The following FBXL17 variants were observed in gnomAD, a reference collection of about 807,000 sequenced individuals.
The protein encoded by FBXL17 is F-box and leucine rich repeat protein 17, also known as F-box/LRR-repeat protein 17.
Under a neutral mutation model 66.2 loss-of-function variants are expected in FBXL17, and 22 were observed. The observed-to-expected ratio is 0.33, with a 90% confidence interval of 0.24 to 0.47. The LOEUF is 0.47. FBXL17 is among the 20% of genes least tolerant of loss of function. The pLI, the probability that FBXL17 is intolerant of heterozygous loss-of-function variation, is 1.00. For missense variants in FBXL17, 878 were observed against 948.2 expected (o/e 0.93, Z 0.97); for synonymous variants, 474 against 400.5 (o/e 1.18, Z -2.19).
intron 7 of FBXL17, among the ~76,000 whole-genome samples, chr5:107,936,940 G>A (rs1361542688): frequency 6.6e-6 from 1 of 151,676 alleles, no homozygotes; most frequent in Non-Finnish European, 1.5e-5. Context: ...TCTAGCAGGA[G>A]TTTCACTAGT....
At chr5:108,371,103 C>A (rs918735314) in intron 1 of FBXL17, among the ~76,000 whole-genome samples, 2 of 152,156 alleles carry the variant, frequency 1.3e-5, no homozygotes, top group African/African-American at 4.8e-5. Context: ...TGGGCCTCTG[C>A]AAGACAGAGA....
intron 7 of FBXL17, among the ~76,000 whole-genome samples, chr5:107,939,082 G>A (rs1033616235): frequency 6.6e-6 from 1 of 152,100 alleles, no homozygotes; most frequent in Non-Finnish European, 1.5e-5. Flanking sequence ...TCTGGAAGGG[G>A]ATGATTTGCT....
At chr5:108,292,257 G>C (rs376185080) in intron 4 of FBXL17, among the ~76,000 whole-genome samples, 3 of 152,062 alleles carry the variant, frequency 2.0e-5, no homozygotes, top group African/African-American at 7.2e-5. Context: ...AAGTAGCTGG[G>C]ATTACAGGCA....
Position 108,381,268 on chromosome 5 carries a change from T to C in FBXL17, c.424A>G (p.Lys142Glu), listed in dbSNP as rs1749886703. ...GCGGCCGCAGCCAGCCCCAACTCTT[T>C]GCAGCAGGAGGCGGGCGACGAAGCC... ...ASASSPASCC[K>E]ELGLAAAAAW... The change falls in exon 1 of 9, where the codon AAA becomes GAA. Residue 142 changes from lysine to glutamate, a missense_variant. By Grantham distance (56) the Lys-to-Glu change is moderately conservative (BLOSUM62 1). Coordinates refer to ENST00000542267, the MANE Select transcript of FBXL17 (RefSeq NM_001163315.3). 4.2e-6 allele frequency: 6 copies of C among 1,424,532 alleles called. No individual in the cohort carries two copies. In the South Asian group the frequency reaches 7.1e-5, roughly 17 times the overall value. The allele number at this position is 1,424,532 out of a possible 1,614,324, so 88.2% of individuals were successfully genotyped here.
intron 4 of FBXL17, among the ~76,000 whole-genome samples, chr5:108,330,912 G>A (rs1371530193): frequency 6.6e-6 from 1 of 152,078 alleles, no homozygotes. Context: ...AATTAGCTGG[G>A]CATGGTGGCG....
At chr5:108,120,624 A>T (rs554970237) in intron 6 of FBXL17, among the ~76,000 whole-genome samples, 129 of 152,140 alleles carry the variant, frequency 8.5e-4, no homozygotes, top group Middle Eastern at 3.4e-3. Context: ...TGAGGCCAGG[A>T]GTTTGAGACC....
intron 4 of FBXL17, among the ~76,000 whole-genome samples, chr5:108,322,870 G>A (rs999519304): frequency 6.6e-5 from 10 of 151,866 alleles, no homozygotes. Context: ...AAAAGATCGA[G>A]CTCCAAAATC....
intron 7 of FBXL17, among the ~76,000 whole-genome samples, chr5:107,927,168 A>G (rs761188311): frequency 4.6e-5 from 7 of 152,202 alleles, no homozygotes; most frequent in Non-Finnish European, 8.8e-5. Context: ...TAAATATTTA[A>G]AATGTTAAAG....
chr5:108,136,795 TTC>T (rs1751152696), intron 6 of FBXL17, among the ~76,000 whole-genome samples: 1 of 152,186 alleles, frequency 6.6e-6, no homozygotes, highest in South Asian at 2.1e-4. Flanking sequence ...AACCTCGTAT[TTC>T]TGTTAGTATG....
chr5:107,877,350 G>A (rs1298916269), intron 8 of FBXL17, among the ~76,000 whole-genome samples: 3 of 152,140 alleles, frequency 2.0e-5, no homozygotes, highest in Non-Finnish European at 4.4e-5. Context: ...CATCTGCAAC[G>A]AATACGTTTA....
At chr5:108,030,919 A>C (rs1195383714) in intron 6 of FBXL17, among the ~76,000 whole-genome samples, 2 of 152,138 alleles carry the variant, frequency 1.3e-5, no homozygotes, top group Non-Finnish European at 2.9e-5. Context: ...TTTTATAGAA[A>C]AAAATAAAGT....
intron 5 of FBXL17, among the ~76,000 whole-genome samples, chr5:108,195,741 A>T (rs1753654134): frequency 6.6e-6 from 1 of 152,184 alleles, no homozygotes; most frequent in Non-Finnish European, 1.5e-5. Context: ...CTGTGACAGC[A>T]GTTGGAGGTG....
At chr5:108,171,647 T>C (rs962210447) in intron 6 of FBXL17, among the ~76,000 whole-genome samples, 1 of 152,206 alleles carries the variant, frequency 6.6e-6, no homozygotes, top group Non-Finnish European at 1.5e-5. Flanking sequence ...AAACAACTCT[T>C]ACTTGCTCAC....
chr5:108,068,723 C>T (rs1301402470), intron 6 of FBXL17, among the ~76,000 whole-genome samples: 1 of 152,164 alleles, frequency 6.6e-6, no homozygotes, highest in Non-Finnish European at 1.5e-5. Flanking sequence ...TCCAAAAGTG[C>T]TGGGATTACA....
intron 7 of FBXL17, among the ~76,000 whole-genome samples, chr5:107,947,739 T>A (rs1192026253): frequency 6.6e-6 from 1 of 152,182 alleles, no homozygotes; most frequent in African/African-American, 2.4e-5. Context: ...ACTGAGGATC[T>A]AGGGCTCCAG....
intron 7 of FBXL17, among the ~76,000 whole-genome samples, chr5:107,884,845 C>T (rs1008474972): frequency 8.5e-5 from 13 of 152,258 alleles, no homozygotes; most frequent in African/African-American, 2.6e-4. Flanking sequence ...AGGGACTTTG[C>T]ACTACATAAA....
At chr5:108,318,274 T>C (rs1005869587) in intron 4 of FBXL17, among the ~76,000 whole-genome samples, 6 of 151,798 alleles carry the variant, frequency 4.0e-5, no homozygotes, top group African/African-American at 1.4e-4. Flanking sequence ...TAGTGCCTTA[T>C]GCATTTGTTT....
chr5:108,164,864 TA>T (rs966583266), intron 6 of FBXL17, among the ~76,000 whole-genome samples: 1 of 152,192 alleles, frequency 6.6e-6, no homozygotes, highest in African/African-American at 2.4e-5. Flanking sequence ...TCTACTACAG[TA>T]TTCTGCCCCT....
chr5:108,122,751 A>C (rs1368301573), intron 6 of FBXL17, among the ~76,000 whole-genome samples: 1 of 152,184 alleles, frequency 6.6e-6, no homozygotes, highest in Non-Finnish European at 1.5e-5. Context: ...ATCTGCAAAA[A>C]GCTTTACAGA....
Sources: gnomAD v4.1 joint callset for allele counts (sites outside exome capture counted in the v4.1 genomes callset) on GRCh38, gnomAD v4.1.1 for gene constraint, MANE v1.5 for transcripts, NCBI Gene and HGNC (gene_info 2026-07-23, HGNC 2026-07-21) for gene names.